UNC13C: variants seen among roughly 807,000 people sequenced by gnomAD.
UNC13C encodes unc-13 homolog C, also known as protein unc-13 homolog C.
In UNC13C, 174 loss-of-function variants were observed where a neutral mutation model predicts 245.4. The observed-to-expected ratio is 0.71, with a 90% CI of 0.63 to 0.80. The LOEUF is 0.80. UNC13C is among the 30% of genes least tolerant of loss of function. The pLI, the probability that UNC13C is intolerant of heterozygous loss-of-function variation, is 0.00. For missense variants in UNC13C, 2,829 were observed against 2,602.9 expected (o/e 1.09, Z -1.89); for synonymous variants, 992 against 895.1 (o/e 1.11, Z -1.93).
chr15:54,446,689 G>A (rs934873912), intron 19 of UNC13C, among the ~76,000 whole-genome samples: 1 of 152,108 alleles, frequency 6.6e-6, no homozygotes, highest in Non-Finnish European at 1.5e-5. Context: ...GGAGATTTTG[G>A]GCTGAGATAA....
At chr15:53,931,747 T>C in the UNC13C span, among the ~76,000 whole-genome samples, 7 of 152,276 alleles carry the variant, frequency 4.6e-5, no homozygotes, top group South Asian at 1.2e-3. Flanking sequence ...GTGAAATCAA[T>C]TGAGGTGTGT....
intron 4 of UNC13C, among the ~76,000 whole-genome samples, chr15:54,168,974 A>G (rs550862168): frequency 6.6e-6 from 1 of 152,336 alleles, no homozygotes; most frequent in East Asian, 1.9e-4. Context: ...ACATATTTCA[A>G]TTTGATCACC....
At chr15:54,592,437 C>G (rs890451347) in intron 30 of UNC13C, among the ~76,000 whole-genome samples, 2 of 152,140 alleles carry the variant, frequency 1.3e-5, no homozygotes, top group African/African-American at 4.8e-5. Context: ...TACCTCATTT[C>G]CTAGGTCAAT....
intron 2 of UNC13C, among the ~76,000 whole-genome samples, chr15:54,122,985 T>C (rs1201047262): frequency 1.3e-5 from 2 of 152,066 alleles, no homozygotes; most frequent in Non-Finnish European, 2.9e-5. Context: ...ACCTTGGTTA[T>C]ATGGCAAACG....
intron 2 of UNC13C, chr15:54,048,812 A>C (rs1897151086): frequency 4.1e-6 from 1 of 243,558 alleles, no homozygotes; most frequent in Admixed American, 5.4e-5. Context: ...CCTGATTTCC[A>C]ACAAAACTCA....
chr15:54,213,116 A>G (rs897940428), intron 4 of UNC13C, among the ~76,000 whole-genome samples: 2 of 152,038 alleles, frequency 1.3e-5, no homozygotes, highest in Non-Finnish European at 2.9e-5. Flanking sequence ...AAGACCTTCA[A>G]ATGTGTGTCT....
In UNC13C at chr15:54,179,451, A is replaced by G. The variant is rs142932654; in HGVS notation, c.3071+35767A>G. Among the ~76,000 whole-genome samples, 115 of 152,228 alleles carry G rather than the reference A, an allele frequency of 7.6e-4. No individual in the cohort carries two copies. In the East Asian group the frequency reaches 0.022, roughly 29 times the overall value. ...ACTAAAGAGTTGAAATACGTGAAAC[A>G]GGTTGATATTCTAGAGCTGCAAAAT... On this transcript the variant is annotated intron_variant, in intron 4 of 32. Transcript: ENST00000260323.
chr15:54,538,133 C>CAAAAAAAAAA (rs56041311), intron 26 of UNC13C, among the ~76,000 whole-genome samples: 20 of 10,254 alleles, frequency 2.0e-3, no homozygotes, highest in Admixed American at 5.2e-3. Flanking sequence ...CATTAACAAG[C>CAAAAAAAAAA]AAAAAAAAAA....
chr15:54,364,455 A>G (rs77182796), intron 17 of UNC13C, among the ~76,000 whole-genome samples: 18 of 152,182 alleles, frequency 1.2e-4, no homozygotes, highest in Non-Finnish European at 7.3e-5. Flanking sequence ...TCCCAAATCA[A>G]TGCTCGTTTT....
At chr15:54,614,690 T>C (rs901386911) in intron 30 of UNC13C, among the ~76,000 whole-genome samples, 1 of 151,984 alleles carries the variant, frequency 6.6e-6, no homozygotes, top group Non-Finnish European at 1.5e-5. Context: ...TTTCCTGAAT[T>C]TTAGGAGGAA....
In UNC13C at chr15:54,065,527, C is replaced by T. The variant is rs564582592; in HGVS notation, c.2983+49641C>T. Among the ~76,000 whole-genome samples, 3 of 152,326 alleles carry T rather than the reference C, an allele frequency of 2.0e-5. No homozygotes were observed. In the South Asian group the frequency reaches 6.2e-4, roughly 32 times the overall value. ...CCTGTAAGAAACATCCCCCAAATCT[C>T]AGTGGCTTATCATAACAAGGATTTA... On this transcript the variant is annotated intron_variant, in intron 2 of 32. Coordinates refer to ENST00000260323, the MANE Select transcript of UNC13C (RefSeq NM_001080534.3).
At chr15:54,225,715 AG>A (rs2035361975) in intron 4 of UNC13C, among the ~76,000 whole-genome samples, 1 of 152,210 alleles carries the variant, frequency 6.6e-6, no homozygotes, top group South Asian at 2.1e-4. Flanking sequence ...TGGGCTGACA[AG>A]ATGGGTTTTT....
chr15:54,090,179 AAAG>A (rs1314417453), intron 2 of UNC13C, among the ~76,000 whole-genome samples: 1 of 152,204 alleles, frequency 6.6e-6, no homozygotes, highest in Admixed American at 6.5e-5. Context: ...CAGGATTGCA[AAAG>A]GAGGATGTAT....
At chr15:54,491,456 A>G (rs1567323615) in intron 19 of UNC13C, among the ~76,000 whole-genome samples, 1 of 152,190 alleles carries the variant, frequency 6.6e-6, no homozygotes, top group East Asian at 1.9e-4. Context: ...TTAAAATGTA[A>G]TTATCAATAT....
At chr15:54,542,520 T>C (rs532029121) in intron 26 of UNC13C, among the ~76,000 whole-genome samples, 2 of 152,164 alleles carry the variant, frequency 1.3e-5, no homozygotes, top group Non-Finnish European at 2.9e-5. Flanking sequence ...TAGGTCCACT[T>C]GGTCCAGAGC....
intron 10 of UNC13C, among the ~76,000 whole-genome samples, chr15:54,280,665 C>T (rs992197906): frequency 7.1e-6 from 1 of 140,850 alleles, no homozygotes; most frequent in African/African-American, 2.6e-5. Context: ...TATGTATATA[C>T]ATACATATAC....
chr15:54,354,387 C>T (rs11638441), intron 17 of UNC13C, among the ~76,000 whole-genome samples: 7,338 of 152,110 alleles, frequency 0.048, 254 homozygotes, highest in Admixed American at 0.11. Flanking sequence ...GTTTTTGATT[C>T]GGTGCTGCTT....
At chr15:53,951,467 A>G in the UNC13C span, among the ~76,000 whole-genome samples, 2 of 152,240 alleles carry the variant, frequency 1.3e-5, no homozygotes, top group Admixed American at 6.5e-5. Context: ...ATTAAAACCT[A>G]TTAATTATTG....
intron 2 of UNC13C, among the ~76,000 whole-genome samples, chr15:54,023,240 G>T (rs1049172330): frequency 1.1e-4 from 17 of 152,312 alleles, no homozygotes; most frequent in African/African-American, 3.1e-4. Context: ...CGAATTAAGG[G>T]TGTTGGTTGA....
Sources: gnomAD v4.1 joint callset for allele counts (sites outside exome capture counted in the v4.1 genomes callset) on GRCh38, gnomAD v4.1.1 for gene constraint, MANE v1.5 for transcripts, NCBI Gene and HGNC (gene_info 2026-07-23, HGNC 2026-07-21) for gene names.